Variants in NREP observed in about 807,000 individuals in gnomAD.
The protein encoded by NREP is neuronal regeneration related protein.
A neutral mutation model predicts 8.6 loss-of-function variants in NREP; 5 were observed. That is an observed-to-expected ratio of 0.58 (90% CI 0.30 to 1.22). The LOEUF (loss-of-function observed/expected upper bound fraction) is 1.22, where lower values mean the gene tolerates loss of function less well. Ranked by LOEUF, NREP falls within the 50% of genes most tolerant of loss-of-function variation. The probability of loss-of-function intolerance (pLI) is 0.07; values close to 1 mark genes in which losing one functional copy is unlikely to be tolerated. For synonymous variants in NREP, 27 were observed against 28.0 expected, an observed-to-expected ratio of 0.96 and a Z score of 0.11; for missense variants, 86 against 82.5, an observed-to-expected ratio of 1.04 and a Z score of -0.17.
Position 111,730,698 on chromosome 5 carries a change from T to G in NREP, c.*223A>C. The G allele has an allele frequency of 2.0e-6, 1 of 492,408 alleles. No homozygotes were observed. The highest frequency in any genetic ancestry group is 3.6e-6 in the Non-Finnish European group (1 of 281,550). The allele number at this position is 492,408 out of a possible 1,614,324, so 30.5% of individuals were successfully genotyped here. A position where few individuals can be genotyped will look rare whatever the true frequency, so the allele number is the denominator to read the frequency against. On this transcript the variant is annotated 3_prime_UTR_variant, in exon 4 of 4. Coordinates refer to ENST00000257435, the MANE Select transcript of NREP (RefSeq NM_004772.4). ...GGCCCACCTGTAAGGGTTGTAAACGTGGATTCACAGTGTGAAATTCTGAGC... is the reference window on the plus strand; with the variant it reads ...GGCCCACCTGTAAGGGTTGTAAACGGGGATTCACAGTGTGAAATTCTGAGC...
intron 2 of NREP, among the ~76,000 whole-genome samples, chr5:111,845,404 C>A (rs996562753): frequency 2.6e-5 from 4 of 151,948 alleles, no homozygotes; most frequent in African/African-American, 9.7e-5. Context: ...GGGATGAGCC[C>A]TGGCAACTCC....
intron 2 of NREP, among the ~76,000 whole-genome samples, chr5:111,768,953 G>A (rs1323766367): frequency 1.3e-5 from 2 of 152,180 alleles, no homozygotes. Context: ...TTTCCACAGT[G>A]GCTGCACTAA....
intron 2 of NREP, among the ~76,000 whole-genome samples, chr5:111,771,992 T>C (rs918304691): frequency 6.6e-6 from 1 of 152,294 alleles, no homozygotes; most frequent in African/African-American, 2.4e-5. Context: ...TTGTTATAAA[T>C]GCTACTGTAA....
intron 2 of NREP, among the ~76,000 whole-genome samples, chr5:111,932,135 AAAAG>A (rs772912493): frequency 1.5e-4 from 22 of 147,804 alleles, no homozygotes; most frequent in Middle Eastern, 3.5e-3. Flanking sequence ...AAAAAAAAAG[AAAAG>A]AAAAAGAGAA....
rs1295654633 is a variant in NREP, at chr5:111,946,338, G to T, written c.135+28936C>A. Among the ~76,000 whole-genome samples the T allele has an allele frequency of 2.6e-5, 4 of 151,872 alleles. No homozygotes were observed. In the East Asian group the frequency reaches 7.8e-4, roughly 29 times the overall value. ...ACTGCCAACATCACAAATGGCAAATGTTTGAAGTGTGGGCCCTACACTGAA... is the reference window on the plus strand; with the variant it reads ...ACTGCCAACATCACAAATGGCAAATTTTTGAAGTGTGGGCCCTACACTGAA... On this transcript the variant is annotated intron_variant, in intron 2 of 3. Coordinates refer to the NREP transcript ENST00000395634.
intron 2 of NREP, among the ~76,000 whole-genome samples, chr5:111,741,142 C>G (rs541952597): frequency 6.6e-6 from 1 of 152,154 alleles, no homozygotes; most frequent in African/African-American, 2.4e-5. Flanking sequence ...TCCTTTATAA[C>G]TTAACAGGAT....
chr5:111,866,912 G>A (rs1229846316), intron 2 of NREP, among the ~76,000 whole-genome samples: 28 of 150,722 alleles, frequency 1.9e-4, no homozygotes, highest in Admixed American at 4.6e-4. Context: ...ACCAAACACC[G>A]CATGTTCTCA....
Position 111,740,409 on chromosome 5 carries a change from T to TATCA in NREP, c.4-4906_4-4903dup, listed in dbSNP as rs1749547170. Among the ~76,000 whole-genome samples, 5 of 152,286 alleles carry TATCA rather than the reference T, an allele frequency of 3.3e-5. No individual in the cohort carries two copies. In the South Asian group the frequency reaches 1.0e-3, roughly 32 times the overall value. On this transcript the variant is annotated intron_variant, in intron 2 of 3. Transcript: ENST00000257435. ...GATAGTTGGGTAAGTTTCAATATTC[T>TATCA]ATCACAGCATACAAATTGGAAATAA...
At chr5:111,875,879 G>A (rs1441767053) in intron 2 of NREP, among the ~76,000 whole-genome samples, 1 of 152,158 alleles carries the variant, frequency 6.6e-6, no homozygotes, top group Non-Finnish European at 1.5e-5. Flanking sequence ...AAAGAGAATA[G>A]CTCTCTCCTA....
chr5:111,756,109 C>T (rs1375877237), intron 1 of NREP: 1 of 1,119,690 alleles, frequency 8.9e-7, no homozygotes, highest in Admixed American at 4.2e-5. Context: ...AAAGGTTTAG[C>T]AACTTAAAAG....
chr5:111,909,145 C>T (rs763689846), intron 2 of NREP, among the ~76,000 whole-genome samples: 5 of 151,770 alleles, frequency 3.3e-5, no homozygotes, highest in African/African-American at 9.7e-5. Flanking sequence ...ATGCATAGTT[C>T]GCGAATATTT....
At chr5:111,784,647 G>T (rs543930618) in intron 2 of NREP, among the ~76,000 whole-genome samples, 1 of 151,952 alleles carries the variant, frequency 6.6e-6, no homozygotes, top group Non-Finnish European at 1.5e-5. Flanking sequence ...ATTTTTCTTC[G>T]GGACTTCTCA....
chr5:111,740,014 TAAA>T (rs560016372), intron 2 of NREP, among the ~76,000 whole-genome samples: 2 of 144,458 alleles, frequency 1.4e-5, no homozygotes, highest in Admixed American at 1.4e-4. Flanking sequence ...AAATGCTAGT[TAAA>T]AAAAAAAAAG....
At chr5:111,851,805 G>A (rs928596720) in intron 2 of NREP, among the ~76,000 whole-genome samples, 2 of 152,104 alleles carry the variant, frequency 1.3e-5, no homozygotes, top group African/African-American at 4.8e-5. Context: ...ACTGTGTGAG[G>A]TAATGTATAC....
intron 2 of NREP, among the ~76,000 whole-genome samples, chr5:111,744,335 GAGGGAA>G (rs1561641074): frequency 6.6e-6 from 1 of 152,100 alleles, no homozygotes; most frequent in African/African-American, 2.4e-5. Flanking sequence ...ACTAAATTTG[GAGGGAA>G]AGTGGTTTCT....
intron 2 of NREP, among the ~76,000 whole-genome samples, chr5:111,925,629 C>T (rs957084754): frequency 1.1e-4 from 16 of 152,132 alleles, no homozygotes; most frequent in Non-Finnish European, 1.6e-4. Context: ...ACTAGCTGTC[C>T]TTCAACTGAG....
intron 2 of NREP, among the ~76,000 whole-genome samples, chr5:111,974,678 A>G (rs1423078557): frequency 1.3e-5 from 2 of 152,338 alleles, no homozygotes; most frequent in East Asian, 3.9e-4. Context: ...ACTCATCACT[A>G]TAAGAACTAC....
intron 2 of NREP, among the ~76,000 whole-genome samples, chr5:111,874,522 G>T (rs1010551552): frequency 6.6e-6 from 1 of 152,074 alleles, no homozygotes; most frequent in African/African-American, 2.4e-5. Flanking sequence ...AAAATTTGGG[G>T]AATTTAACAG....
At chr5:111,856,239 T>C in intron 2 of NREP, among the ~76,000 whole-genome samples, 1 of 152,156 alleles carries the variant, frequency 6.6e-6, no homozygotes, top group East Asian at 1.9e-4. Flanking sequence ...TTTATTTTAG[T>C]AAAACTTTAC....
Sources: allele counts gnomAD v4.1 joint callset (sites outside exome capture counted in the v4.1 genomes callset), GRCh38; gene constraint gnomAD v4.1.1; transcripts MANE v1.5; gene names NCBI Gene and HGNC (gene_info 2026-07-23, HGNC 2026-07-21).